The following EPM2A variants were observed in gnomAD, a reference collection of about 807,000 sequenced individuals.
The protein encoded by EPM2A is laforin.
EPM2A carries 21 observed loss-of-function variants against 26.5 expected under a neutral mutation model. That is an observed-to-expected ratio of 0.79 (90% CI 0.56 to 1.14). The LOEUF (loss-of-function observed/expected upper bound fraction) is 1.14, where lower values mean the gene tolerates loss of function less well. Among genes scored for constraint, EPM2A ranks in the 50% most tolerant of loss-of-function variants. The probability of loss-of-function intolerance (pLI) is 0.00; values close to 1 mark genes in which losing one functional copy is unlikely to be tolerated. For synonymous variants in EPM2A, 217 were observed against 177.6 expected, an observed-to-expected ratio of 1.22 and a Z score of -1.76; for missense variants, 458 against 440.8, an observed-to-expected ratio of 1.04 and a Z score of -0.35.
chr6:145,598,599 CTT>C (rs1321004460), intron 2 of EPM2A, among the ~76,000 whole-genome samples: 1 of 152,106 alleles, frequency 6.6e-6, no homozygotes, highest in East Asian at 1.9e-4. Context: ...TACAGAAACT[CTT>C]AAGTTTAATT....
chr6:145,453,520 A>G (rs1292597042), intron 4 of EPM2A, among the ~76,000 whole-genome samples: 1 of 152,216 alleles, frequency 6.6e-6, no homozygotes, highest in Non-Finnish European at 1.5e-5. Context: ...CAAAAAGATA[A>G]CAAATAAAAC....
chr6:145,514,686 C>T (rs1456032489), intron 2 of EPM2A, among the ~76,000 whole-genome samples: 1 of 152,170 alleles, frequency 6.6e-6, no homozygotes. Flanking sequence ...TTTCTTGAGA[C>T]ATTTTTCATT....
chr6:145,610,755 G>A (rs1489690925), intron 2 of EPM2A, among the ~76,000 whole-genome samples: 1 of 152,206 alleles, frequency 6.6e-6, no homozygotes, highest in Admixed American at 6.5e-5. Context: ...CTTCAGACTT[G>A]TTGAGTAGAA....
chr6:145,640,969 A>T (rs1258750599), intron 2 of EPM2A: 1 of 152,166 alleles, frequency 6.6e-6, no homozygotes, highest in Non-Finnish European at 1.5e-5. Context: ...ATTAAACCAT[A>T]GTTTTATTAT....
chr6:145,454,166 C>A (rs1254221497), intron 4 of EPM2A, among the ~76,000 whole-genome samples: 1 of 152,118 alleles, frequency 6.6e-6, no homozygotes, highest in Non-Finnish European at 1.5e-5. Flanking sequence ...TTCAGGTGCT[C>A]CTGTTTTCAA....
intron 4 of EPM2A, among the ~76,000 whole-genome samples, chr6:145,469,851 G>A (rs1030750317): frequency 1.7e-4 from 26 of 152,134 alleles, no homozygotes; most frequent in Admixed American, 2.0e-4. Flanking sequence ...AAAGAAGAAT[G>A]AGATTCTGTT....
At chr6:145,648,270 C>A (rs1777630475) in intron 2 of EPM2A, among the ~76,000 whole-genome samples, 1 of 152,114 alleles carries the variant, frequency 6.6e-6, no homozygotes, top group African/African-American at 2.4e-5. Context: ...AGGTAGAGAC[C>A]AGCCTCTATT....
chr6:145,407,458 T>C (rs1001118185), intron 4 of EPM2A, among the ~76,000 whole-genome samples: 2 of 152,232 alleles, frequency 1.3e-5, no homozygotes, highest in African/African-American at 4.8e-5. Context: ...CTCATTGACA[T>C]AATGAGAGCA....
intron 1 of EPM2A, among the ~76,000 whole-genome samples, chr6:145,710,058 C>T (rs534445290): frequency 4.3e-3 from 655 of 152,208 alleles, no homozygotes; most frequent in African/African-American, 0.015. Flanking sequence ...TAGGCATGGG[C>T]AAGGACTTCA....
chr6:145,673,189 GAAT>G (rs1166440698), intron 2 of EPM2A, among the ~76,000 whole-genome samples: 1 of 150,574 alleles, frequency 6.6e-6, no homozygotes, highest in Non-Finnish European at 1.5e-5. Flanking sequence ...GATAAAAACA[GAAT>G]AATATTTTTA....
chr6:145,586,494 G>A (rs1355807969), intron 2 of EPM2A, among the ~76,000 whole-genome samples: 1 of 152,068 alleles, frequency 6.6e-6, no homozygotes, highest in African/African-American at 2.4e-5. Flanking sequence ...TATCTTTTTA[G>A]AACTGTTTAT....
intron 2 of EPM2A, among the ~76,000 whole-genome samples, chr6:145,505,606 A>G (rs2114756691): frequency 6.6e-6 from 1 of 152,256 alleles, no homozygotes; most frequent in Admixed American, 6.5e-5. Flanking sequence ...CTTCCTGTAA[A>G]ACAAAACAAA....
rs1780455962 is a variant in EPM2A at position 145,537,970 on chromosome 6, T to A, written c.341-35395A>T. Among the ~76,000 whole-genome samples, 4 of 152,208 alleles carry A rather than the reference T, an allele frequency of 2.6e-5. No individual in the cohort carries two copies. In the South Asian group the frequency reaches 8.3e-4, roughly 32 times the overall value. ...TGGCTGCATAGTATTCCATGGTATA[T>A]ATGTGCCACATTTTCTTTATCCAGT... is the stretch of plus-strand genomic sequence containing the variant. On this transcript the variant is annotated intron_variant, in intron 2 of 3. Coordinates refer to the EPM2A transcript ENST00000450221.
At chr6:145,524,081 G>A (rs1451807520) in intron 2 of EPM2A, among the ~76,000 whole-genome samples, 1 of 152,140 alleles carries the variant, frequency 6.6e-6, no homozygotes, top group Non-Finnish European at 1.5e-5. Context: ...TTAGGATAAT[G>A]GCCTCCAGCT....
chr6:145,625,883 G>A lies in EPM2A; in HGVS notation c.*1533C>T. On this transcript the variant is annotated 3_prime_UTR_variant, in exon 4 of 4. Transcript: ENST00000367519. ...ATATGTGTTTGTGGAAGAAAGGAAG[G>A]TGCAGAAAAATAAATACGCATCATA... 6.8e-7 allele frequency: 1 copy of A among 1,479,274 alleles called. No homozygotes were observed. Among genetic ancestry groups the A allele is most frequent in the East Asian group, 2.5e-5 (1 of 40,004 alleles). 91.6% of individuals were successfully genotyped at this position (1,479,274 alleles called of 1,614,324 possible).
chr6:145,531,215 C>A (rs1780351209), intron 2 of EPM2A, among the ~76,000 whole-genome samples: 2 of 152,080 alleles, frequency 1.3e-5, no homozygotes, highest in Non-Finnish European at 2.9e-5. Context: ...AGGATGGCTC[C>A]CTGCAGGGAA....
At chr6:145,668,392 G>T (rs933460382) in intron 2 of EPM2A, among the ~76,000 whole-genome samples, 2 of 151,936 alleles carry the variant, frequency 1.3e-5, no homozygotes, top group African/African-American at 4.8e-5. Flanking sequence ...TGGCATGAAG[G>T]TCCTTGGAGA....
intron 2 of EPM2A, among the ~76,000 whole-genome samples, chr6:145,583,016 T>G (rs183451572): frequency 1.3e-5 from 2 of 152,336 alleles, no homozygotes; most frequent in East Asian, 3.9e-4. Flanking sequence ...ATCAGTTTGA[T>G]GGTTTCTCCA....
At chr6:145,715,891 A>G (rs1199649038) in intron 1 of EPM2A, among the ~76,000 whole-genome samples, 1 of 152,192 alleles carries the variant, frequency 6.6e-6, no homozygotes, top group Non-Finnish European at 1.5e-5. Context: ...TAATTATTTC[A>G]TTACATATTA....
Sources: allele counts gnomAD v4.1 joint callset (sites outside exome capture counted in the v4.1 genomes callset), GRCh38; gene constraint gnomAD v4.1.1; transcripts MANE v1.5; gene names NCBI Gene and HGNC (gene_info 2026-07-23, HGNC 2026-07-21).